Variants in CSMD1 observed in about 807,000 individuals in gnomAD.
CSMD1 encodes CUB and Sushi multiple domains 1, also known as CUB and sushi domain-containing protein 1.
A neutral mutation model predicts 417.5 loss-of-function variants in CSMD1; 213 were observed. That is an observed-to-expected ratio of 0.51 (90% CI 0.46 to 0.57). CSMD1 has a LOEUF of 0.57. Among genes scored for constraint, CSMD1 ranks in the 20% least tolerant of loss-of-function variants. The pLI is 0.00. For missense variants in CSMD1, 6,923 were observed against 4,529.7 expected (o/e 1.53, Z -15.17); for synonymous variants, 2,862 against 1,736.8 (o/e 1.65, Z -16.11).
At chr8:3,200,846 A>G (rs528686592) in intron 32 of CSMD1, among the ~76,000 whole-genome samples, 24 of 152,326 alleles carry the variant, frequency 1.6e-4, no homozygotes, top group African/African-American at 5.8e-4. Context: ...CTGAACATTA[A>G]TTGGTCAAAG....
intron 7 of CSMD1, among the ~76,000 whole-genome samples, chr8:3,664,990 A>G (rs1798608759): frequency 6.6e-6 from 1 of 152,046 alleles, no homozygotes; most frequent in Non-Finnish European, 1.5e-5. Context: ...TTTTATATGT[A>G]TATTTGATAT....
chr8:4,263,995 A>T (rs1430891514), intron 3 of CSMD1, among the ~76,000 whole-genome samples: 2 of 152,204 alleles, frequency 1.3e-5, no homozygotes, highest in African/African-American at 4.8e-5. Context: ...AACATGTCTT[A>T]GAAGTAAATC....
At chr8:4,327,386 T>C (rs1244893654) in intron 3 of CSMD1, among the ~76,000 whole-genome samples, 1 of 152,154 alleles carries the variant, frequency 6.6e-6, no homozygotes, top group Admixed American at 6.5e-5. Context: ...GGGGAGACTC[T>C]GCTAATGTAT....
intron 42 of CSMD1, among the ~76,000 whole-genome samples, chr8:3,112,639 C>A (rs1420342193): frequency 6.6e-6 from 1 of 152,128 alleles, no homozygotes; most frequent in African/African-American, 2.4e-5. Flanking sequence ...AGTAAGGGTG[C>A]CTGGGATGGA....
rs537613485 is a variant in CSMD1 at position 3,668,322 on chromosome 8, G to A, written c.1009+40092C>T. Among the ~76,000 whole-genome samples the A allele has an allele frequency of 5.9e-5, 9 of 152,204 alleles. No individual in the cohort carries two copies. In the East Asian group the frequency reaches 9.7e-4, roughly 16 times the overall value. On this transcript the variant is annotated intron_variant, in intron 7 of 69. Transcript: ENST00000635120. ...TGAAGTGAGAGGATTAGGAAGGAGG[G>A]GCATGTCCCACACAGGCCCTGGGCT...
At chr8:4,725,999 T>C (rs373908128) in intron 1 of CSMD1, among the ~76,000 whole-genome samples, 30 of 152,258 alleles carry the variant, frequency 2.0e-4, no homozygotes, top group African/African-American at 4.6e-4. Flanking sequence ...CACGAACTAG[T>C]TGTAAGAATT....
chr8:3,086,782 T>A (rs769295013), intron 49 of CSMD1, among the ~76,000 whole-genome samples: 1 of 152,204 alleles, frequency 6.6e-6, no homozygotes, highest in East Asian at 1.9e-4. Context: ...TTTAAATTAA[T>A]ACAATGGTAA....
At chr8:3,694,169 T>C (rs138551014) in intron 7 of CSMD1, among the ~76,000 whole-genome samples, 3 of 152,056 alleles carry the variant, frequency 2.0e-5, no homozygotes, top group Non-Finnish European at 2.9e-5. Flanking sequence ...GGCTCACAGA[T>C]CTCACCAACA....
chr8:4,003,734 G>T (rs1478496908), intron 4 of CSMD1, among the ~76,000 whole-genome samples: 2 of 152,128 alleles, frequency 1.3e-5, no homozygotes, highest in African/African-American at 2.4e-5. Context: ...ACCAACACAG[G>T]CGAGTGACAC....
At chr8:3,761,244 T>C (rs1032147731) in intron 5 of CSMD1, among the ~76,000 whole-genome samples, 1 of 152,110 alleles carries the variant, frequency 6.6e-6, no homozygotes, top group Non-Finnish European at 1.5e-5. Flanking sequence ...AGAAGGTCTA[T>C]GTGTGTGTGT....
At chr8:4,299,821 G>C (rs1017841391) in intron 3 of CSMD1, among the ~76,000 whole-genome samples, 5 of 151,954 alleles carry the variant, frequency 3.3e-5, no homozygotes, top group Non-Finnish European at 5.9e-5. Flanking sequence ...AGTACAGATG[G>C]GTTTTCACCT....
intron 1 of CSMD1, among the ~76,000 whole-genome samples, chr8:4,802,820 C>T (rs879514609): frequency 6.6e-6 from 1 of 152,264 alleles, no homozygotes; most frequent in Admixed American, 6.5e-5. Flanking sequence ...GGACAGACTC[C>T]AATAATACTT....
At chr8:4,481,924 C>A (rs1318097485) in intron 2 of CSMD1, among the ~76,000 whole-genome samples, 4 of 152,054 alleles carry the variant, frequency 2.6e-5, no homozygotes, top group Admixed American at 2.0e-4. Flanking sequence ...GGTGTGGAAA[C>A]AACAGAATGC....
At chr8:4,931,307 C>G (rs1807229280) in intron 1 of CSMD1, among the ~76,000 whole-genome samples, 1 of 152,102 alleles carries the variant, frequency 6.6e-6, no homozygotes, top group Non-Finnish European at 1.5e-5. Flanking sequence ...GGACATAGTT[C>G]TCCTTCTGGT....
At chr8:3,524,895 G>C (rs1020905196) in intron 10 of CSMD1, among the ~76,000 whole-genome samples, 1 of 140,430 alleles carries the variant, frequency 7.1e-6, no homozygotes, top group Admixed American at 7.1e-5. Context: ...TTTTGGTGGA[G>C]TTAAAAATAG....
intron 3 of CSMD1, among the ~76,000 whole-genome samples, chr8:4,371,008 T>A (rs11136734): frequency 0.69 from 104,584 of 152,070 alleles, 36,932 homozygotes; most frequent in African/African-American, 0.86. Context: ...TGACCTTTAG[T>A]GTTACTAGGG....
intron 2 of CSMD1, among the ~76,000 whole-genome samples, chr8:4,603,817 C>A (rs937044843): frequency 6.6e-6 from 1 of 152,046 alleles, no homozygotes; most frequent in African/African-American, 2.4e-5. Context: ...GAGAAAGCAG[C>A]ACACATTTTA....
intron 6 of CSMD1, among the ~76,000 whole-genome samples, chr8:3,735,444 G>C (rs1584922396): frequency 6.6e-6 from 1 of 152,268 alleles, no homozygotes; most frequent in African/African-American, 2.4e-5. Context: ...ACAAAATGCA[G>C]GTATTAGGCA....
At chr8:4,357,342 T>A (rs1394395029) in intron 3 of CSMD1, among the ~76,000 whole-genome samples, 1 of 152,222 alleles carries the variant, frequency 6.6e-6, no homozygotes, top group African/African-American at 2.4e-5. Flanking sequence ...CGTAAGCTAT[T>A]CACAACAGGA....
Sources: allele counts gnomAD v4.1 joint callset (sites outside exome capture counted in the v4.1 genomes callset), GRCh38; gene constraint gnomAD v4.1.1; transcripts MANE v1.5; gene names NCBI Gene and HGNC (gene_info 2026-07-23, HGNC 2026-07-21).